The following MKLN1 variants were observed in gnomAD, a reference collection of about 807,000 sequenced individuals.
MKLN1 encodes the protein muskelin 1.
A neutral mutation model predicts 99.0 loss-of-function variants in MKLN1; 18 were observed. The ratio of observed to expected loss-of-function variants is 0.18; its 90% CI spans 0.13 to 0.27. The LOEUF (loss-of-function observed/expected upper bound fraction) is 0.27. Ranked by LOEUF, MKLN1 falls within the 10% of genes least tolerant of loss-of-function variation. The probability of loss-of-function intolerance (pLI) is 1.00; values close to 1 mark genes in which losing one functional copy is unlikely to be tolerated. For missense variants in MKLN1, 621 were observed against 875.9 expected (o/e 0.71, Z 3.67); for synonymous variants, 288 against 293.2 (o/e 0.98, Z 0.18).
intron 17 of MKLN1, among the ~76,000 whole-genome samples, chr7:131,486,118 C>T (rs1180480702): frequency 1.3e-5 from 2 of 151,496 alleles, no homozygotes; most frequent in East Asian, 1.9e-4. Context: ...AGAGAGAGAA[C>T]ATATTTGATG....
chr7:131,181,530 A>T (rs994486106), intron 2 of MKLN1, among the ~76,000 whole-genome samples: 25 of 152,134 alleles, frequency 1.6e-4, no homozygotes, highest in African/African-American at 6.0e-4. Flanking sequence ...CAACACAGGG[A>T]GACTTCATCC....
intron 2 of MKLN1, among the ~76,000 whole-genome samples, chr7:131,381,980 T>C (rs567570220): frequency 6.6e-6 from 1 of 152,386 alleles, no homozygotes; most frequent in Admixed American, 6.5e-5. Context: ...TTCTGTTGTA[T>C]GAATATCTCA....
intron 2 of MKLN1, among the ~76,000 whole-genome samples, chr7:131,162,649 T>C (rs1191159976): frequency 2.0e-5 from 3 of 152,234 alleles, no homozygotes; most frequent in African/African-American, 4.8e-5. Context: ...TCCCGAGATA[T>C]CTCATTTATG....
At chr7:131,392,459 A>G (rs183204259) in intron 4 of MKLN1, among the ~76,000 whole-genome samples, 1 of 152,282 alleles carries the variant, frequency 6.6e-6, no homozygotes, top group East Asian at 1.9e-4. Context: ...ATAATAATAG[A>G]TAATAACAGC....
rs564981195 is a variant in MKLN1, at chr7:131,144,835, G to A, written c.-297+1894G>A. On this transcript the variant is annotated intron_variant, in intron 2 of 7. Transcript: ENST00000416992. Reference sequence around the variant, plus strand: ...TCTACTAAAAATACAAAATTAGCCAGGCGTGGTGGCACACGCCTGTAATCC... The same window carrying A: ...TCTACTAAAAATACAAAATTAGCCAAGCGTGGTGGCACACGCCTGTAATCC... Among the ~76,000 whole-genome samples, 326 of 152,210 alleles carry A rather than the reference G, an allele frequency of 2.1e-3. 3 individuals carry two copies. The highest frequency in any genetic ancestry group is 7.3e-3 in the African/African-American group (303 of 41,536).
At chr7:131,256,612 A>T (rs1394245977) in intron 3 of MKLN1, among the ~76,000 whole-genome samples, 1 of 152,218 alleles carries the variant, frequency 6.6e-6, no homozygotes, top group African/African-American at 2.4e-5. Flanking sequence ...GTAAATAAGA[A>T]AGTCGGTACA....
chr7:131,199,703 T>A (rs28531709), intron 2 of MKLN1, among the ~76,000 whole-genome samples: 58,259 of 151,840 alleles, frequency 0.38, 11,756 homozygotes, highest in South Asian at 0.59. Flanking sequence ...TTTAATTTTT[T>A]AAAAAATTGA....
rs940679248 is a variant in MKLN1, at chr7:131,490,304, A to G, written c.*2576A>G. The G allele has an allele frequency of 4.6e-5, 7 of 152,598 alleles. No individual in the cohort carries two copies. The highest frequency in any genetic ancestry group is 8.8e-5 in the Non-Finnish European group (6 of 68,012). 9.5% of individuals were successfully genotyped at this position (152,598 alleles called of 1,614,324 possible). A position where few individuals can be genotyped will look rare whatever the true frequency, so the allele number is the denominator to read the frequency against. ...AAATTAAGTGGGATACAGTTTTCTC[A>G]TTTGTATTATCTCCAGCTTCAACCT... On this transcript the variant is annotated 3_prime_UTR_variant, in exon 18 of 18. Coordinates refer to ENST00000352689, the MANE Select transcript of MKLN1 (RefSeq NM_013255.5).
At chr7:131,373,556 TTG>T (rs1660806549) in intron 1 of MKLN1, among the ~76,000 whole-genome samples, 1 of 152,162 alleles carries the variant, frequency 6.6e-6, no homozygotes, top group African/African-American at 2.4e-5. Flanking sequence ...GTCTCTTTAT[TTG>T]TGTTGGTATA....
intron 1 of MKLN1, among the ~76,000 whole-genome samples, chr7:131,338,200 A>G (rs1224384944): frequency 1.3e-5 from 2 of 152,176 alleles, no homozygotes; most frequent in African/African-American, 4.8e-5. Flanking sequence ...TGCTATGTGC[A>G]GTTTAAAAGC....
Position 131,437,790 on chromosome 7 carries a change from T to C in MKLN1, c.966T>C (p.Gly322=), listed in dbSNP as rs1323596295. 3.8e-5 allele frequency: 61 copies of C among 1,610,478 alleles called. No homozygotes were observed. Among genetic ancestry groups the C allele is most frequent in the Non-Finnish European group, 5.2e-5 (61 of 1,176,922 alleles). Residue 322 remains glycine (G), a synonymous_variant, in exon 10 of 18, where the codon GGT becomes GGC. Transcript: ENST00000352689. ...TTTTCTCTCTCTCTCTACAGAATGG[T>C]CCTAGTGCCAGATCGTGTCATAAAA... ...CISRDTEKEN[G]PSARSCHKMC... is the part of the protein sequence containing the mutation.
At chr7:131,120,211 G>C (rs530368096) in intron 1 of MKLN1, among the ~76,000 whole-genome samples, 1 of 143,000 alleles carries the variant, frequency 7.0e-6, no homozygotes, top group South Asian at 2.3e-4. Flanking sequence ...GCCATATCTT[G>C]AATGCTTTGC....
intron 8 of MKLN1, among the ~76,000 whole-genome samples, chr7:131,423,219 A>G (rs1368126032): frequency 3.3e-5 from 5 of 152,252 alleles, no homozygotes; most frequent in Non-Finnish European, 1.5e-5. Flanking sequence ...TTTGGTATCT[A>G]CAAAAGAAGT....
intron 3 of MKLN1, among the ~76,000 whole-genome samples, chr7:131,321,196 CA>C (rs1174641883): frequency 2.6e-5 from 4 of 152,048 alleles, no homozygotes; most frequent in Admixed American, 6.6e-5. Context: ...CCATCAATGA[CA>C]AGCTGGAAAA....
chr7:131,173,534 C>G (rs1796246673), intron 2 of MKLN1, among the ~76,000 whole-genome samples: 1 of 152,178 alleles, frequency 6.6e-6, no homozygotes, highest in African/African-American at 2.4e-5. Flanking sequence ...GCTTGGCCAA[C>G]TTAGTGAAAC....
At chr7:131,353,288 T>A (rs1563307132) in intron 1 of MKLN1, among the ~76,000 whole-genome samples, 9 of 152,166 alleles carry the variant, frequency 5.9e-5, no homozygotes, top group Admixed American at 5.2e-4. Context: ...CACTGTTTTA[T>A]CTTTTAGCTA....
intron 1 of MKLN1, among the ~76,000 whole-genome samples, chr7:131,333,686 G>A (rs914505032): frequency 3.9e-5 from 6 of 152,068 alleles, no homozygotes; most frequent in Non-Finnish European, 7.4e-5. Context: ...ACAGGCATGT[G>A]CCACCATACC....
chr7:131,113,792 C>T (rs537768310), intron 1 of MKLN1, among the ~76,000 whole-genome samples: 1 of 152,156 alleles, frequency 6.6e-6, no homozygotes, highest in Non-Finnish European at 1.5e-5. Flanking sequence ...CCACTGTGCT[C>T]CGGCCTGGGG....
chr7:131,317,765 C>CAAAAAAA (rs146525048), intron 3 of MKLN1, among the ~76,000 whole-genome samples: 2 of 49,980 alleles, frequency 4.0e-5, no homozygotes, highest in African/African-American at 7.0e-5. Context: ...AAATGGAAAG[C>CAAAAAAA]AAAAAAAAAA....
Sources: gnomAD v4.1 joint callset for allele counts (sites outside exome capture counted in the v4.1 genomes callset) on GRCh38, gnomAD v4.1.1 for gene constraint, MANE v1.5 for transcripts, NCBI Gene and HGNC (gene_info 2026-07-23, HGNC 2026-07-21) for gene names.